ANKRD30B: variants seen among roughly 807,000 people sequenced by gnomAD.
The protein encoded by ANKRD30B is ankyrin repeat domain 30B, also known as ankyrin repeat domain-containing protein 30B.
ANKRD30B carries 144 observed loss-of-function variants against 202.2 expected under a neutral mutation model. The observed-to-expected ratio is 0.71, with a 90% CI of 0.62 to 0.82. The LOEUF is 0.82. ANKRD30B is among the 40% of genes least tolerant of loss of function. The probability of loss-of-function intolerance (pLI) is 0.00; values close to 1 mark genes in which losing one functional copy is unlikely to be tolerated. For missense variants in ANKRD30B, 1,487 were observed against 1,669.1 expected (o/e 0.89, Z 1.90); for synonymous variants, 508 against 561.3 (o/e 0.91, Z 1.34).
At chr18:14,917,073 A>AG in the ANKRD30B span, among the ~76,000 whole-genome samples, 1 of 152,204 alleles carries the variant, frequency 6.6e-6, no homozygotes, top group Non-Finnish European at 1.5e-5. Flanking sequence ...ATGTGAAGCC[A>AG]GCCACCTCTC....
rs1971895292 is a variant in ANKRD30B at position 14,851,802 on chromosome 18, C to G, written c.3858C>G (p.Asp1286Glu). 1 of 1,587,534 alleles carries G rather than the reference C, an allele frequency of 6.3e-7. No homozygotes were observed. The highest frequency in any genetic ancestry group is 1.4e-5 in the African/African-American group (1 of 72,412). ...CTTCTAAATTGAAGGAAAAACAAGA[C>G]AAAGAAATACTGGAGACAGAAATTG... ...MLTSKLKEKQ[D>E]KEILETEIES... Residue 1286 changes from aspartate to glutamate, a missense_variant, in exon 42 of 44, where the codon GAC (aspartate) becomes GAG (glutamate). Transcript: ENST00000690538.
the ANKRD30B span, among the ~76,000 whole-genome samples, chr18:14,926,123 A>G: frequency 6.6e-6 from 1 of 152,344 alleles, no homozygotes; most frequent in African/African-American, 2.4e-5. Flanking sequence ...GAGGAAGACC[A>G]CATTTTGGTG....
the ANKRD30B span, among the ~76,000 whole-genome samples, chr18:14,863,658 C>G: frequency 1.3e-5 from 2 of 151,608 alleles, no homozygotes; most frequent in Non-Finnish European, 2.9e-5. Flanking sequence ...TAGATGAATT[C>G]ACAGCTGAAT....
intron 15 of ANKRD30B, among the ~76,000 whole-genome samples, chr18:14,788,457 A>C (rs979988937): frequency 6.6e-6 from 1 of 152,114 alleles, no homozygotes; most frequent in African/African-American, 2.4e-5. Context: ...GTTTAGTTAC[A>C]TATGTATATG....
chr18:14,796,637 T>C (rs1490205469), intron 18 of ANKRD30B, among the ~76,000 whole-genome samples: 1 of 152,128 alleles, frequency 6.6e-6, no homozygotes, highest in Admixed American at 6.6e-5. Context: ...TGGATATCTG[T>C]CCAGCAGCCT....
intron 39 of ANKRD30B, among the ~76,000 whole-genome samples, chr18:14,846,312 G>A (rs534878218): frequency 2.2e-4 from 34 of 152,136 alleles, no homozygotes; most frequent in Admixed American, 1.6e-3. Flanking sequence ...CAATAGTTGT[G>A]TTGTTTCAGG....
At chr18:14,849,149 A>G (rs1297002429) in intron 40 of ANKRD30B, among the ~76,000 whole-genome samples, 1 of 151,944 alleles carries the variant, frequency 6.6e-6, no homozygotes, top group Non-Finnish European at 1.5e-5. Context: ...ATGGCTATAT[A>G]GAAGGCCATT....
At chr18:14,808,887 A>C in intron 26 of ANKRD30B, 143 bp downstream of exon 26, 1 of 755,968 alleles carries the variant, frequency 1.3e-6, no homozygotes, top group South Asian at 2.2e-5. Context: ...GTTAGTATTT[A>C]TGTTTGAGAA....
At chr18:14,757,769 A>T (rs1280505783) in intron 4 of ANKRD30B, 46 bp from the exon 5 acceptor site, 10 of 1,591,398 alleles carry the variant, frequency 6.3e-6, no homozygotes, top group Non-Finnish European at 8.6e-6. Context: ...ATAGGCACAT[A>T]TTAAATTGAT....
At chr18:14,856,155 G>A (rs1972102166), downstream of ANKRD30B, among the ~76,000 whole-genome samples, 2 of 145,042 alleles carry the variant, frequency 1.4e-5, no homozygotes, top group South Asian at 4.4e-4. Context: ...TCCCAGATGG[G>A]ACGGCCAGGC....
rs2143275628 is a variant in ANKRD30B at position 14,852,023 on chromosome 18, A to G, written c.4079A>G (p.Lys1360Arg). ...CTTTATGAAGCTCAAAGGAAATCCA[A>G]AAGCCCAAAAATTAATCTCAATTAT... The part of the protein sequence containing the change: ...QPLYEAQRKS[K>R]SPKINLNYAG... Residue 1360 changes from lysine to arginine, a missense_variant, in exon 42 of 44, where the codon AAA (lysine) becomes AGA (arginine). Physicochemically the swap from Lys to Arg is conservative, Grantham distance 26. Coordinates refer to ENST00000690538, the MANE Select transcript of ANKRD30B (RefSeq NM_001367607.2). 6.2e-7 allele frequency: 1 copy of G among 1,602,116 alleles called. No individual in the cohort carries two copies. Among genetic ancestry groups the G allele is most frequent in the East Asian group, 2.2e-5 (1 of 44,446 alleles).
chr18:14,889,003 C>T, the ANKRD30B span: 2 of 496,866 alleles, frequency 4.0e-6, no homozygotes, highest in African/African-American at 2.0e-5. Flanking sequence ...TTGAAACATA[C>T]ACAACTTTTT....
chr18:14,850,491 A>C, intron 41 of ANKRD30B, 109 bp downstream of exon 41: 1 of 1,152,100 alleles, frequency 8.7e-7, no homozygotes, highest in Non-Finnish European at 1.2e-6. Context: ...ATCAAAGAAA[A>C]GTATTGTCTT....
the ANKRD30B span, among the ~76,000 whole-genome samples, chr18:14,907,627 T>TA: frequency 6.6e-6 from 1 of 152,158 alleles, no homozygotes; most frequent in Non-Finnish European, 1.5e-5. Context: ...GCACAGCCCT[T>TA]ATGTGGGTCT....
the ANKRD30B span, among the ~76,000 whole-genome samples, chr18:14,878,556 A>T: frequency 6.6e-6 from 1 of 151,992 alleles, no homozygotes; most frequent in Non-Finnish European, 1.5e-5. Context: ...CATCCGAATA[A>T]CAGGGCTGAT....
intron 5 of ANKRD30B, among the ~76,000 whole-genome samples, chr18:14,759,934 G>A (rs1914992989): frequency 6.6e-6 from 1 of 152,070 alleles, no homozygotes; most frequent in Admixed American, 6.6e-5. Flanking sequence ...TAGAGACAGG[G>A]TCTCCCTGTG....
At chr18:14,924,768 G>A in the ANKRD30B span, among the ~76,000 whole-genome samples, 1 of 152,234 alleles carries the variant, frequency 6.6e-6, no homozygotes, top group South Asian at 2.1e-4. Context: ...ACTAAACACA[G>A]AGGGATCGGG....
At chr18:14,850,053 A>C (rs1301084340) in intron 40 of ANKRD30B, among the ~76,000 whole-genome samples, 161 bp from the exon 41 acceptor site, 1 of 151,626 alleles carries the variant, frequency 6.6e-6, no homozygotes. Flanking sequence ...CATTTGGAAG[A>C]GGTTACGGAG....
At chr18:14,837,552 A>G (rs889840116) in intron 35 of ANKRD30B, 63 bp from the exon 36 acceptor site, 8 of 1,250,474 alleles carry the variant, frequency 6.4e-6, no homozygotes, top group African/African-American at 6.3e-5. Context: ...AGATTTGTAT[A>G]TAGTTTTATG....
Sources: allele counts gnomAD v4.1 joint callset (sites outside exome capture counted in the v4.1 genomes callset), GRCh38; gene constraint gnomAD v4.1.1; transcripts MANE v1.5; gene names NCBI Gene and HGNC (gene_info 2026-07-23, HGNC 2026-07-21).